Variants in CCDC7 observed in about 807,000 individuals in gnomAD.
CCDC7 encodes the protein coiled-coil domain containing 7.
A neutral mutation model predicts 196.9 loss-of-function variants in CCDC7; 183 were observed. The ratio of observed to expected loss-of-function variants is 0.93; its 90% confidence interval spans 0.82 to 1.05. CCDC7 has a LOEUF of 1.05. CCDC7 is among the 50% of genes least tolerant of loss of function. The pLI is 0.00. For synonymous variants in CCDC7, 525 were observed against 484.6 expected, an observed-to-expected ratio of 1.08 and a Z score of -1.10; for missense variants, 1,540 against 1,482.2, an observed-to-expected ratio of 1.04 and a Z score of -0.64.
At chr10:32,443,982 C>G (rs1316241784), upstream of CCDC7, among the ~76,000 whole-genome samples, 2 of 152,108 alleles carry the variant, frequency 1.3e-5, no homozygotes, top group Non-Finnish European at 2.9e-5. Flanking sequence ...TTTAATTTCT[C>G]TCAGTAATGT....
intron 41 of CCDC7, 83 bp from the exon 43 acceptor site, chr10:32,876,264 C>T: frequency 1.2e-5 from 12 of 985,094 alleles, no homozygotes; most frequent in South Asian, 4.6e-5. Flanking sequence ...TTCTGTTTTC[C>T]ATGATATCAT....
At chr10:32,624,451 C>A (rs891294949) in intron 18 of CCDC7, among the ~76,000 whole-genome samples, 4 of 152,208 alleles carry the variant, frequency 2.6e-5, no homozygotes, top group African/African-American at 9.6e-5. Context: ...TTTTAACAAT[C>A]AGATGCTAAA....
At chr10:32,867,152 A>G (rs1310307890) in intron 41 of CCDC7, among the ~76,000 whole-genome samples, 1 of 151,694 alleles carries the variant, frequency 6.6e-6, no homozygotes, top group Non-Finnish European at 1.5e-5. Context: ...TAGTCCAAAA[A>G]AATCTATAAA....
chr10:32,846,078 G>T (rs1037893499), intron 36 of CCDC7, 119 bp downstream of exon 37: 3 of 789,250 alleles, frequency 3.8e-6, no homozygotes, highest in African/African-American at 3.5e-5. Flanking sequence ...CATAGCAAAA[G>T]ATGCTATTGG....
chr10:32,639,789 C>T (rs1298596350), intron 20 of CCDC7, among the ~76,000 whole-genome samples: 2 of 152,010 alleles, frequency 1.3e-5, no homozygotes, highest in Admixed American at 6.6e-5. Flanking sequence ...CCAGCACTGC[C>T]GGCTAATTTT....
intron 24 of CCDC7, among the ~76,000 whole-genome samples, chr10:32,705,626 C>G (rs1217712211): frequency 6.6e-6 from 1 of 152,076 alleles, no homozygotes; most frequent in Non-Finnish European, 1.5e-5. Flanking sequence ...GGAGGAAGAT[C>G]TACCAAGAAA....
chr10:32,853,730 C>T (rs1330450510), intron 40 of CCDC7, among the ~76,000 whole-genome samples: 1 of 152,084 alleles, frequency 6.6e-6, no homozygotes, highest in Non-Finnish European at 1.5e-5. Context: ...CTATAAACTT[C>T]TTTTTAAATA....
intron 20 of CCDC7, among the ~76,000 whole-genome samples, chr10:32,637,263 G>C (rs2065829065): frequency 6.6e-6 from 1 of 152,132 alleles, no homozygotes; most frequent in Non-Finnish European, 1.5e-5. Flanking sequence ...TTTGGCTTTT[G>C]TTGCCATTGC....
At chr10:32,791,257 A>G (rs2082659938) in intron 29 of CCDC7, among the ~76,000 whole-genome samples, 1 of 152,122 alleles carries the variant, frequency 6.6e-6, no homozygotes, top group South Asian at 2.1e-4. Flanking sequence ...TCAAAAAAAA[A>G]AGCCACTCTA....
chr10:32,582,502 T>C (rs540958920), intron 16 of CCDC7, among the ~76,000 whole-genome samples: 2 of 152,036 alleles, frequency 1.3e-5, no homozygotes, highest in Admixed American at 6.6e-5. Flanking sequence ...CTGTGACACC[T>C]GGTTACCCTA....
At chr10:32,852,138 T>C (rs924387845) in intron 40 of CCDC7, among the ~76,000 whole-genome samples, 2 of 152,242 alleles carry the variant, frequency 1.3e-5, no homozygotes, top group Non-Finnish European at 2.9e-5. Flanking sequence ...TTCTCCATTA[T>C]GACTAAATTG....
At chr10:32,600,227 T>C (rs1010412486) in intron 18 of CCDC7, among the ~76,000 whole-genome samples, 1 of 152,070 alleles carries the variant, frequency 6.6e-6, no homozygotes, top group Non-Finnish European at 1.5e-5. Context: ...TTGTGTCATA[T>C]GTGATTTCTT....
At chr10:32,594,155 A>C (rs1564765585) in intron 18 of CCDC7, among the ~76,000 whole-genome samples, 2 of 152,132 alleles carry the variant, frequency 1.3e-5, no homozygotes, top group Non-Finnish European at 2.9e-5. Flanking sequence ...GGCCATTTTC[A>C]CGATATTGAT....
chr10:32,770,020 G>A (rs1158236278), intron 28 of CCDC7, among the ~76,000 whole-genome samples: 1 of 152,126 alleles, frequency 6.6e-6, no homozygotes, highest in Non-Finnish European at 1.5e-5. Flanking sequence ...TGGATCAAAT[G>A]GTATTTCTGG....
rs777812417 is a variant in CCDC7 at position 32,848,584 on chromosome 10, A to G, written c.3773-12A>G. On this transcript the variant is annotated splice_polypyrimidine_tract_variant and intron_variant, in intron 38 of 41. Coordinates refer to ENST00000639629, the Ensembl canonical transcript of CCDC7. Reference sequence around the variant, plus strand: ...GTATTCATGCACTTTTTCTTTTAAAATTTTATTTTAGATGTGAACTTATTT... The same window carrying G: ...GTATTCATGCACTTTTTCTTTTAAAGTTTTATTTTAGATGTGAACTTATTT... The G allele has an allele frequency of 4.9e-5, 71 of 1,447,312 alleles. No homozygotes were observed. The highest frequency in any genetic ancestry group is 6.9e-5 in the Non-Finnish European group (71 of 1,028,764). The allele number at this position is 1,447,312 out of a possible 1,614,324, so 89.7% of individuals were successfully genotyped here.
chr10:32,789,861 C>T (rs1244825821), intron 29 of CCDC7, among the ~76,000 whole-genome samples: 4 of 152,192 alleles, frequency 2.6e-5, no homozygotes, highest in African/African-American at 7.2e-5. Context: ...ATAGGCATTG[C>T]CATCCCAAAG....
chr10:32,848,805 A>T, intron 39 of CCDC7, 87 bp downstream of exon 40: 1 of 1,093,466 alleles, frequency 9.1e-7, no homozygotes, highest in Non-Finnish European at 1.3e-6. Context: ...CTCTTTTTGC[A>T]TCTTACTTTT....
intron 8 of CCDC7, among the ~76,000 whole-genome samples, chr10:32,477,351 C>T (rs552787047): frequency 6.6e-5 from 10 of 151,932 alleles, no homozygotes; most frequent in South Asian, 6.2e-4. Flanking sequence ...CACAGGCGTG[C>T]GCCACCACGC....
intron 18 of CCDC7, among the ~76,000 whole-genome samples, chr10:32,584,506 C>A (rs762960243): frequency 2.0e-5 from 3 of 150,210 alleles, no homozygotes; most frequent in Non-Finnish European, 4.4e-5. Flanking sequence ...GCCTGTAATC[C>A]CAGCACTTTG....
Sources: allele counts gnomAD v4.1 joint callset (sites outside exome capture counted in the v4.1 genomes callset), GRCh38; gene constraint gnomAD v4.1.1; transcripts MANE v1.5; gene names NCBI Gene and HGNC (gene_info 2026-07-23, HGNC 2026-07-21).